The following NELL2 variants were observed in gnomAD, a reference collection of about 807,000 sequenced individuals.
NELL2 encodes neural EGFL like 2.
NELL2 carries 41 observed loss-of-function variants against 109.6 expected under a neutral mutation model. The ratio of observed to expected loss-of-function variants is 0.37; its 90% CI spans 0.29 to 0.49. NELL2 has a LOEUF of 0.49. NELL2 is among the 20% of genes least tolerant of loss of function. The pLI is 0.98. For missense variants in NELL2, 900 were observed against 1,008.3 expected (o/e 0.89, Z 1.45); for synonymous variants, 355 against 344.7 (o/e 1.03, Z -0.33).
At position 44,779,860 on chromosome 12, in the gene NELL2, A is replaced by T; in HGVS notation, c.498T>A (p.Ile166=). The T allele has an allele frequency of 6.2e-7, 1 of 1,613,878 alleles. No homozygotes were observed. Among genetic ancestry groups the T allele is most frequent in the Non-Finnish European group, 8.5e-7 (1 of 1,179,768 alleles). The change falls in exon 4 of 20, where the codon ATT becomes ATA. Residue 166 remains isoleucine (I), a synonymous_variant. Transcript: ENST00000429094. Reference sequence around the variant, plus strand: ...GACACTACACTTACTTATTGCAGTCAATGTGTAAAATCAAATGGGAAGCAC... The same window carrying T: ...GACACTACACTTACTTATTGCAGTCTATGTGTAAAATCAAATGGGAAGCAC... ...AISASHLILH[I]DCNKIYERVV...
intron 2 of NELL2, among the ~76,000 whole-genome samples, chr12:44,831,739 C>A (rs189070963): frequency 6.6e-6 from 1 of 152,150 alleles, no homozygotes; most frequent in Non-Finnish European, 1.5e-5. Flanking sequence ...TTCTTTCAGA[C>A]TGGAATGTCC....
chr12:44,833,875 T>C (rs978465060), intron 2 of NELL2, among the ~76,000 whole-genome samples: 5 of 152,188 alleles, frequency 3.3e-5, no homozygotes, highest in East Asian at 3.8e-4. Context: ...AGGAAAGTTG[T>C]TAGGATTTAA....
In NELL2 at chr12:44,836,602, A is replaced by T. The variant is rs141007666; in HGVS notation, c.185-20466T>A. On this transcript the variant is annotated intron_variant, in intron 2 of 19. Transcript: ENST00000429094. ...CAGGGATCCCAGCCCTGATAGAGAA[A>T]AACTAGGATTTCCATAGTCAGAGGA... 4.8e-3 allele frequency among the ~76,000 whole-genome samples: 726 copies of T among 152,302 alleles called. 2 individuals are homozygous for T. Among genetic ancestry groups the T allele is most frequent in the Non-Finnish European group, 7.9e-3 (540 of 68,016 alleles).
At chr12:44,561,023 A>G (rs1943450140) in intron 15 of NELL2, among the ~76,000 whole-genome samples, 1 of 152,210 alleles carries the variant, frequency 6.6e-6, no homozygotes, top group Non-Finnish European at 1.5e-5. Context: ...AGGCTGGTTC[A>G]ACACATGCAA....
chr12:44,705,282 A>G (rs1029983910), intron 11 of NELL2, among the ~76,000 whole-genome samples: 1 of 152,150 alleles, frequency 6.6e-6, no homozygotes, highest in African/African-American at 2.4e-5. Context: ...TGTTCCAAAA[A>G]TGTAATAATA....
rs141396177 is a variant in NELL2, at chr12:44,703,832, C to T, written c.1212G>A (p.Arg404=). Residue 404 remains arginine (R), a synonymous_variant, in exon 12 of 20, where the codon AGG becomes AGA. Coordinates refer to ENST00000429094, the MANE Select transcript of NELL2 (RefSeq NM_001145108.2). ...VCKGYDFCSE[R]HNCMENSICR... is the part of the protein sequence containing the mutation. ...AGATGGAATTCTCCATGCAGTTATG[C>T]CTTTCAGAACAAAAGTCATAACCTA... 4.8e-5 allele frequency: 77 copies of T among 1,612,826 alleles called. No individual in the cohort carries two copies. The Admixed American group carries it at 6.7e-4, about 14-fold the overall frequency.
chr12:44,777,178 T>C (rs1941788386), intron 6 of NELL2, 54 bp from the exon 7 acceptor site: 3 of 1,608,816 alleles, frequency 1.9e-6, no homozygotes, highest in South Asian at 2.2e-5. Flanking sequence ...GGGTTCAATC[T>C]GGTTAAGTCT....
At chr12:44,528,097 C>CAAAAAAAAAAAAAAAAA (rs71093812) in intron 16 of NELL2, among the ~76,000 whole-genome samples, 11 of 22,004 alleles carry the variant, frequency 5.0e-4, no homozygotes, top group African/African-American at 1.6e-3. Context: ...GACTCCGTCT[C>CAAAAAAAAAAAAAAAAA]AAAAAAAAAA....
intron 9 of NELL2, among the ~76,000 whole-genome samples, chr12:44,739,495 G>A (rs1444401487): frequency 1.3e-5 from 2 of 152,116 alleles, no homozygotes; most frequent in Non-Finnish European, 2.9e-5. Context: ...CAGGCTTGTG[G>A]CTAAGAATAG....
chr12:44,791,096 T>TATATAC (rs1491151191), intron 3 of NELL2, among the ~76,000 whole-genome samples: 5,931 of 23,680 alleles, frequency 0.25, 630 homozygotes, highest in South Asian at 0.4. Context: ...TATATATATA[T>TATATAC]GTATATATAT....
intron 3 of NELL2, among the ~76,000 whole-genome samples, chr12:44,804,421 G>A: frequency 6.6e-6 from 1 of 151,778 alleles, no homozygotes; most frequent in African/African-American, 2.4e-5. Flanking sequence ...AGAGAAATAA[G>A]ATTTTTTAGG....
intron 16 of NELL2, among the ~76,000 whole-genome samples, chr12:44,525,973 A>G (rs1337912660): frequency 7.9e-5 from 12 of 152,228 alleles, no homozygotes; most frequent in Admixed American, 5.9e-4. Flanking sequence ...CCCAACGTCT[A>G]GAGCTATCAA....
chr12:44,785,638 G>C (rs906302595), intron 3 of NELL2, among the ~76,000 whole-genome samples: 1 of 152,074 alleles, frequency 6.6e-6, no homozygotes, highest in Non-Finnish European at 1.5e-5. Context: ...TATACTACAG[G>C]CTACAGTAAC....
chr12:44,604,634 T>C (rs1232149338), intron 15 of NELL2, among the ~76,000 whole-genome samples: 1 of 152,144 alleles, frequency 6.6e-6, no homozygotes, highest in Non-Finnish European at 1.5e-5. Context: ...CCTCATGAGA[T>C]TCACTGCCTG....
intron 1 of NELL2, among the ~76,000 whole-genome samples, chr12:44,883,533 A>G (rs1375823291): frequency 6.6e-6 from 1 of 152,070 alleles, no homozygotes; most frequent in Admixed American, 6.5e-5. Context: ...AAAGTAACAC[A>G]TTCACAGGTT....
chr12:44,651,881 A>T (rs1310809890), intron 13 of NELL2, among the ~76,000 whole-genome samples: 3 of 152,068 alleles, frequency 2.0e-5, no homozygotes, highest in Non-Finnish European at 4.4e-5. Flanking sequence ...GAGAGGGGAG[A>T]CCTTCTTCTA....
intron 15 of NELL2, among the ~76,000 whole-genome samples, chr12:44,601,239 T>G (rs1945207870): frequency 6.6e-6 from 1 of 152,098 alleles, no homozygotes; most frequent in African/African-American, 2.4e-5. Flanking sequence ...TCTGAAAAAT[T>G]TCCCCATCAT....
chr12:44,628,833 G>C (rs900606880), intron 13 of NELL2, among the ~76,000 whole-genome samples: 2 of 152,156 alleles, frequency 1.3e-5, no homozygotes, highest in African/African-American at 4.8e-5. Context: ...ACCTAAATAT[G>C]AATTAGGTGA....
At chr12:44,818,422 G>A (rs541172180) in intron 2 of NELL2, among the ~76,000 whole-genome samples, 2 of 152,304 alleles carry the variant, frequency 1.3e-5, no homozygotes, top group South Asian at 2.1e-4. Flanking sequence ...ATAGATGGGG[G>A]TGCAAATGAG....
Sources: gnomAD v4.1 joint callset for allele counts (sites outside exome capture counted in the v4.1 genomes callset) on GRCh38, gnomAD v4.1.1 for gene constraint, MANE v1.5 for transcripts, NCBI Gene and HGNC (gene_info 2026-07-23, HGNC 2026-07-21) for gene names.